IFT74: variants seen among roughly 807,000 people sequenced by gnomAD.
The protein encoded by IFT74 is intraflagellar transport 74.
Under a neutral mutation model 96.7 loss-of-function variants are expected in IFT74, and 92 were observed. The ratio of observed to expected loss-of-function variants is 0.95; its 90% CI spans 0.80 to 1.13. The LOEUF (loss-of-function observed/expected upper bound fraction) is 1.13. Ranked by LOEUF, IFT74 falls within the 50% of genes most tolerant of loss-of-function variation. The pLI, the probability that IFT74 is intolerant of heterozygous loss-of-function variation, is 0.00. For missense variants in IFT74, 811 were observed against 698.2 expected (o/e 1.16, Z -1.82); for synonymous variants, 223 against 213.2 (o/e 1.05, Z -0.40).
At chr9:27,050,846 G>T (rs927382176) in intron 16 of IFT74, among the ~76,000 whole-genome samples, 1 of 151,864 alleles carries the variant, frequency 6.6e-6, no homozygotes, top group Admixed American at 6.6e-5. Context: ...TAACAAACCT[G>T]CACGTTGTGC....
chr9:26,947,511 AGCTGGCGTGGACATCCGGCGCGCCG>A (rs1825781937), intron 1 of IFT74: 1 of 156,136 alleles, frequency 6.4e-6, no homozygotes, highest in South Asian at 1.9e-4. Context: ...ATGCCGCGCC[AGCTGGCGTGGACATCCGGCGCGCCG>A]AATCCGGATA....
chr9:26,983,778 T>TC (rs1827495254), intron 4 of IFT74: 1 of 141,756 alleles, frequency 7.1e-6, no homozygotes, highest in African/African-American at 2.7e-5. Context: ...ACCTCATTCT[T>TC]TTTTTTTTTT....
intron 10 of IFT74, among the ~76,000 whole-genome samples, chr9:27,014,608 T>G (rs1484691686): frequency 6.6e-6 from 1 of 152,152 alleles, no homozygotes; most frequent in African/African-American, 2.4e-5. Flanking sequence ...TTCTTTCTTT[T>G]TAAAAAAAAA....
chr9:27,056,466 A>G lies in IFT74; in HGVS notation c.1623+7A>G, dbSNP rs191860894. The G allele has an allele frequency of 6.3e-7, 1 of 1,583,138 alleles. No individual in the cohort carries two copies. Among genetic ancestry groups the G allele is most frequent in the Non-Finnish European group, 8.6e-7 (1 of 1,167,788 alleles). ...AAATGAGACACATTCTCAGGTAAAA[A>G]ATGTTTTAAATGACTTTGAAATTGT... On this transcript the variant is annotated splice_region_variant and intron_variant, in intron 18 of 19. Transcript: ENST00000380062.
Position 27,064,835 on chromosome 9 carries a change from AG to A in IFT74, c.*2102del, listed in dbSNP as rs1820560237. On this transcript the variant is annotated 3_prime_UTR_variant, in exon 20 of 20. Transcript: ENST00000380062. ...TTAGTAATTTTTACTATTAGTAATA[AG>A]GGTTTTTTTCTGAGTGGTGGGATTA... 6.6e-6 allele frequency among the ~76,000 whole-genome samples: 1 copy of A among 152,006 alleles called. No homozygotes were observed. Among genetic ancestry groups the A allele is most frequent in the South Asian group, 2.1e-4 (1 of 4,820 alleles).
At chr9:26,975,323 A>T (rs1827066282) in intron 2 of IFT74, among the ~76,000 whole-genome samples, 1 of 152,132 alleles carries the variant, frequency 6.6e-6, no homozygotes, top group Non-Finnish European at 1.5e-5. Flanking sequence ...TCCAAAAAAG[A>T]GCATAGTCTG....
chr9:26,996,453 G>A, intron 8 of IFT74: 2 of 1,550,954 alleles, frequency 1.3e-6, no homozygotes, highest in Admixed American at 1.8e-5. Flanking sequence ...TGATATTGTA[G>A]CTCTGCAGGC....
intron 8 of IFT74, chr9:26,995,495 C>CTTA (rs1281349087): frequency 7.1e-7 from 1 of 1,406,604 alleles, no homozygotes; most frequent in African/African-American, 1.4e-5. Flanking sequence ...GATAACTTTG[C>CTTA]TTTAAAAAGC....
chr9:26,976,932 A>G, intron 2 of IFT74: 2 of 340,352 alleles, frequency 5.9e-6, no homozygotes, highest in Non-Finnish European at 1.1e-5. Context: ...TTTAGTACTT[A>G]CATGGTCATC....
chr9:27,009,474 T>C (rs1828944663), intron 9 of IFT74, among the ~76,000 whole-genome samples: 1 of 152,208 alleles, frequency 6.6e-6, no homozygotes, highest in Non-Finnish European at 1.5e-5. Context: ...TCTATAAATA[T>C]TTGCATTTAT....
chr9:27,001,926 C>T (rs570578515), intron 8 of IFT74, among the ~76,000 whole-genome samples: 53 of 149,082 alleles, frequency 3.6e-4, no homozygotes, highest in African/African-American at 1.2e-3. Context: ...AATTCTCCAA[C>T]GTTTTCTTTT....
At chr9:27,055,872 G>A in intron 17 of IFT74, 100 bp downstream of exon 17, 1 of 715,288 alleles carries the variant, frequency 1.4e-6, no homozygotes, top group South Asian at 3.4e-5. Context: ...ATTTTAAGTT[G>A]ATTATTTTAT....
intron 19 of IFT74, 132 bp downstream of exon 19, chr9:27,060,783 C>T (rs1355532927): frequency 3.0e-5 from 15 of 505,428 alleles, no homozygotes; most frequent in Non-Finnish European, 5.3e-5. Context: ...ACGGTGAAAC[C>T]CCATCTCTAC....
rs560596934 is a variant in IFT74, at chr9:27,031,241, TGCCGAGGTGG to T, written c.1054+2140_1054+2149del. Among the ~76,000 whole-genome samples the T allele has an allele frequency of 2.0e-5, 3 of 152,196 alleles. No homozygotes were observed. In the East Asian group the frequency reaches 5.8e-4, roughly 29 times the overall value. Reference sequence around the variant, plus strand: ...CGCCTGTAGTCCCAGCACTTTGGGATGCCGAGGTGGGCGGATCACCAGGTCAGGAGATCGA... The same window carrying T: ...CGCCTGTAGTCCCAGCACTTTGGGATGCGGATCACCAGGTCAGGAGATCGA... On this transcript the variant is annotated intron_variant, in intron 13 of 19. Transcript: ENST00000380062.
chr9:27,059,222 A>G (rs1820303897), intron 18 of IFT74, among the ~76,000 whole-genome samples: 1 of 152,206 alleles, frequency 6.6e-6, no homozygotes, highest in African/African-American at 2.4e-5. Flanking sequence ...TGTGAATCCC[A>G]ACTGATTAAG....
At chr9:26,968,360 C>G (rs1472053711) in intron 2 of IFT74, among the ~76,000 whole-genome samples, 1 of 151,794 alleles carries the variant, frequency 6.6e-6, no homozygotes, top group Non-Finnish European at 1.5e-5. Flanking sequence ...CTCCCGGGTT[C>G]AAGCGATTCT....
rs1820487800 is a variant in IFT74, at chr9:27,062,810, A to G, written c.*74A>G. 1 of 788,432 alleles carries G rather than the reference A, an allele frequency of 1.3e-6. No individual in the cohort carries two copies. The highest frequency in any genetic ancestry group is 2.1e-6 in the Non-Finnish European group (1 of 482,420). 48.8% of individuals were successfully genotyped at this position (788,432 alleles called of 1,614,324 possible). ...CTTGGTACAAGTTGACTACCAAAAA[A>G]AAAAAAAGCTTACTTTTGGAGTTTA... On this transcript the variant is annotated 3_prime_UTR_variant, in exon 20 of 20. Transcript: ENST00000380062.
At chr9:27,047,014 A>G (rs1271864844) in intron 14 of IFT74, among the ~76,000 whole-genome samples, 1 of 152,090 alleles carries the variant, frequency 6.6e-6, no homozygotes, top group African/African-American at 2.4e-5. Context: ...CTCTGGTAAA[A>G]ATACAAAAAT....
chr9:27,011,137 C>T (rs1360051848), intron 9 of IFT74, among the ~76,000 whole-genome samples: 1 of 152,156 alleles, frequency 6.6e-6, no homozygotes, highest in Non-Finnish European at 1.5e-5. Context: ...CCTGTAATCC[C>T]AGCTACTCGG....
Sources: gnomAD v4.1 joint callset for allele counts (sites outside exome capture counted in the v4.1 genomes callset) on GRCh38, gnomAD v4.1.1 for gene constraint, MANE v1.5 for transcripts, NCBI Gene and HGNC (gene_info 2026-07-23, HGNC 2026-07-21) for gene names.